The following ERG variants were observed in gnomAD, a reference collection of about 807,000 sequenced individuals.
ERG encodes transcriptional regulator ERG.
Under a neutral mutation model 55.3 loss-of-function variants are expected in ERG, and 9 were observed. The observed-to-expected ratio is 0.16, with a 90% CI of 0.10 to 0.28. The LOEUF (loss-of-function observed/expected upper bound fraction) is 0.28, where lower values mean the gene tolerates loss of function less well. Ranked by LOEUF, ERG falls within the 10% of genes least tolerant of loss-of-function variation. ERG has a pLI of 1.00. For missense variants in ERG, 434 were observed against 631.6 expected (o/e 0.69, Z 3.35); for synonymous variants, 223 against 237.3 (o/e 0.94, Z 0.55).
At chr21:38,491,552 T>C (rs1273324072) in intron 1 of ERG, among the ~76,000 whole-genome samples, 1 of 152,254 alleles carries the variant, frequency 6.6e-6, no homozygotes, top group Non-Finnish European at 1.5e-5. Flanking sequence ...GCCCTGAGGT[T>C]AATGTTATGA....
downstream of ERG, among the ~76,000 whole-genome samples, chr21:38,377,500 A>G (rs1987275075): frequency 6.6e-6 from 1 of 152,240 alleles, no homozygotes; most frequent in Non-Finnish European, 1.5e-5. Context: ...ACCCACCTCC[A>G]AACCTTTCAA....
At chr21:38,650,176 G>C (rs906771389) in intron 1 of ERG, among the ~76,000 whole-genome samples, 2 of 152,098 alleles carry the variant, frequency 1.3e-5, no homozygotes, top group African/African-American at 4.8e-5. Flanking sequence ...ATGCACTAGC[G>C]ATAATGAAAA....
chr21:38,569,029 GC>G (rs1183559597), intron 2 of ERG, among the ~76,000 whole-genome samples: 3 of 152,168 alleles, frequency 2.0e-5, no homozygotes, highest in Non-Finnish European at 4.4e-5. Flanking sequence ...ACTACAGGCA[GC>G]CCCCCTGAGA....
chr21:38,643,906 G>C (rs1157335237), intron 1 of ERG, among the ~76,000 whole-genome samples: 2 of 152,250 alleles, frequency 1.3e-5, no homozygotes, highest in African/African-American at 4.8e-5. Context: ...TGTCCAGGCA[G>C]TGAGTAACTG....
At chr21:38,449,439 A>G (rs2058921023) in intron 1 of ERG, among the ~76,000 whole-genome samples, 2 of 152,360 alleles carry the variant, frequency 1.3e-5, no homozygotes, top group South Asian at 4.1e-4. Context: ...GAATATACCA[A>G]TAACACATGA....
At chr21:38,409,439 C>G (rs563933919) in intron 3 of ERG, among the ~76,000 whole-genome samples, 1 of 145,788 alleles carries the variant, frequency 6.9e-6, no homozygotes, top group African/African-American at 2.6e-5. Flanking sequence ...GCCGAGATTG[C>G]GCCATTGCAC....
At chr21:38,496,813 G>A (rs1164913879) in intron 1 of ERG, among the ~76,000 whole-genome samples, 1 of 152,058 alleles carries the variant, frequency 6.6e-6, no homozygotes, top group South Asian at 2.1e-4. Context: ...CTAAAGGATG[G>A]TCTGTTATTT....
intron 3 of ERG, among the ~76,000 whole-genome samples, chr21:38,403,974 C>A (rs1988640075): frequency 6.6e-6 from 1 of 152,106 alleles, no homozygotes; most frequent in South Asian, 2.1e-4. Flanking sequence ...TCTAAAGTTT[C>A]CTGTAGGCAT....
chr21:38,530,032 C>G (rs888567499), intron 2 of ERG, among the ~76,000 whole-genome samples: 1 of 152,128 alleles, frequency 6.6e-6, no homozygotes, highest in Non-Finnish European at 1.5e-5. Context: ...TGTCCTGGAA[C>G]AGAAGACACG....
chr21:38,450,409 T>TA (rs2058930680), intron 1 of ERG, among the ~76,000 whole-genome samples: 2 of 151,834 alleles, frequency 1.3e-5, no homozygotes, highest in South Asian at 2.1e-4. Context: ...AAATAAAAAA[T>TA]AAAAAAATCT....
At chr21:38,432,622 G>A (rs1166258349) in intron 2 of ERG, among the ~76,000 whole-genome samples, 1 of 152,190 alleles carries the variant, frequency 6.6e-6, no homozygotes, top group African/African-American at 2.4e-5. Flanking sequence ...ATGGTGCCTG[G>A]CACATGACCA....
chr21:38,474,974 C>T (rs1406515182), intron 1 of ERG, among the ~76,000 whole-genome samples: 8 of 152,090 alleles, frequency 5.3e-5, no homozygotes, highest in African/African-American at 1.4e-4. Context: ...ATGCATCTAA[C>T]CTGCACACTA....
At chr21:38,576,651 T>G (rs2059996389) in intron 1 of ERG, among the ~76,000 whole-genome samples, 1 of 152,130 alleles carries the variant, frequency 6.6e-6, no homozygotes, top group Non-Finnish European at 1.5e-5. Context: ...AACCTCCCTT[T>G]GCTGTCACAG....
intron 2 of ERG, among the ~76,000 whole-genome samples, chr21:38,424,497 C>T (rs1989727874): frequency 6.6e-6 from 1 of 152,128 alleles, no homozygotes; most frequent in Admixed American, 6.6e-5. Context: ...AGCAGCTCCT[C>T]CTGAAACTGT....
chr21:38,568,299 C>G (rs2059935792), intron 2 of ERG, among the ~76,000 whole-genome samples: 1 of 152,084 alleles, frequency 6.6e-6, no homozygotes. Context: ...ATTATATTGA[C>G]AATACGTAAT....
intron 1 of ERG, among the ~76,000 whole-genome samples, chr21:38,652,900 A>C (rs1252138298): frequency 6.6e-6 from 1 of 152,192 alleles, no homozygotes; most frequent in Non-Finnish European, 1.5e-5. Context: ...TCGAGATTTC[A>C]TGATGTGCAC....
upstream of ERG, among the ~76,000 whole-genome samples, chr21:38,587,880 T>C (rs192780784): frequency 2.6e-5 from 4 of 152,364 alleles, no homozygotes; most frequent in African/African-American, 9.6e-5. Flanking sequence ...AAGGATAATT[T>C]GATTTATGGT....
At chr21:38,452,908 G>C (rs2146574610) in intron 1 of ERG, among the ~76,000 whole-genome samples, 1 of 152,320 alleles carries the variant, frequency 6.6e-6, no homozygotes, top group East Asian at 1.9e-4. Flanking sequence ...CTGTATGTCT[G>C]CCTCTAGAAA....
chr21:38,371,072 G>A, the ERG span, among the ~76,000 whole-genome samples: 5 of 151,714 alleles, frequency 3.3e-5, no homozygotes, highest in Admixed American at 6.6e-5. Flanking sequence ...ATTTGCTTAC[G>A]TTGTCTTTAA....
Sources: gnomAD v4.1 joint callset for allele counts (sites outside exome capture counted in the v4.1 genomes callset) on GRCh38, gnomAD v4.1.1 for gene constraint, MANE v1.5 for transcripts, NCBI Gene and HGNC (gene_info 2026-07-23, HGNC 2026-07-21) for gene names.